The following INPP4A variants were observed in gnomAD, a reference collection of about 807,000 sequenced individuals.
INPP4A encodes the protein inositol polyphosphate-4-phosphatase, type I, 107kD.
In INPP4A, 33 loss-of-function variants were observed where a neutral mutation model predicts 119.8. The ratio of observed to expected loss-of-function variants is 0.28; its 90% CI spans 0.21 to 0.37. INPP4A has a LOEUF of 0.37. Among genes scored for constraint, INPP4A ranks in the 10% least tolerant of loss-of-function variants. INPP4A has a pLI of 1.00. For synonymous variants in INPP4A, 496 were observed against 500.7 expected (o/e 0.99, Z 0.12); for missense variants, 956 against 1,289.9 (o/e 0.74, Z 3.97).
intron 24 of INPP4A, among the ~76,000 whole-genome samples, chr2:98,579,645 G>C (rs767032703): frequency 6.6e-6 from 1 of 152,198 alleles, no homozygotes; most frequent in Non-Finnish European, 1.5e-5. Context: ...AAGCTGTAAG[G>C]GCTGTTGTTT....
chr2:98,543,584 C>T (rs930456537), intron 10 of INPP4A, among the ~76,000 whole-genome samples: 1 of 152,188 alleles, frequency 6.6e-6, no homozygotes, highest in African/African-American at 2.4e-5. Flanking sequence ...TCCCTAGCAG[C>T]CTGTCTTCTT....
chr2:98,485,302 C>T (rs1679312077), intron 1 of INPP4A, among the ~76,000 whole-genome samples: 1 of 152,196 alleles, frequency 6.6e-6, no homozygotes, highest in African/African-American at 2.4e-5. Flanking sequence ...AATATGTTCA[C>T]AGTCTAAGAT....
intron 1 of INPP4A, among the ~76,000 whole-genome samples, chr2:98,467,969 A>C (rs552789243): frequency 6.6e-6 from 1 of 152,322 alleles, no homozygotes; most frequent in African/African-American, 2.4e-5. Flanking sequence ...ATAACTTATA[A>C]ATGGGCTTTT....
intron 1 of INPP4A, among the ~76,000 whole-genome samples, chr2:98,477,063 A>T (rs981032176): frequency 5.3e-5 from 8 of 152,214 alleles, no homozygotes; most frequent in African/African-American, 1.9e-4. Flanking sequence ...ATTTTTGTGC[A>T]CTGGGCACAT....
At chr2:98,555,152 C>T (rs545133085) in intron 15 of INPP4A, among the ~76,000 whole-genome samples, 58 of 152,318 alleles carry the variant, frequency 3.8e-4, no homozygotes, top group African/African-American at 1.3e-3. Flanking sequence ...TCCTCCTCCC[C>T]ACCTCCCCTA....
chr2:98,513,151 A>C lies in INPP4A; in HGVS notation c.-165-5813A>C, dbSNP rs1038217331. Among the ~76,000 whole-genome samples the C allele has an allele frequency of 1.2e-4, 18 of 152,258 alleles. No individual in the cohort carries two copies. The East Asian group carries it at 1.9e-3, about 16-fold the overall frequency. On this transcript the variant is annotated intron_variant, in intron 1 of 24. Transcript: ENST00000409851. ...GGGCAAATTAGAATCAAGGACCCCA[A>C]CTGCTGTATCGTAGGCCCAACTCCT...
chr2:98,536,031 T>C (rs1690203651), intron 6 of INPP4A, 98 bp from the exon 7 acceptor site: 1 of 786,728 alleles, frequency 1.3e-6, no homozygotes, highest in African/African-American at 1.7e-5. Context: ...GTAAGAGGTG[T>C]TGTGGGAAGC....
chr2:98,498,745 G>A (rs1682543357), intron 1 of INPP4A, among the ~76,000 whole-genome samples: 1 of 152,158 alleles, frequency 6.6e-6, no homozygotes, highest in Non-Finnish European at 1.5e-5. Context: ...GGTTAAATTA[G>A]GACATAAAAG....
Position 98,534,410 on chromosome 2 carries a change from C to T in INPP4A, c.270+915C>T, listed in dbSNP as rs79024224. Among the ~76,000 whole-genome samples, 498 of 152,294 alleles carry T rather than the reference C, an allele frequency of 3.3e-3. 4 individuals carry two copies. Among genetic ancestry groups the T allele is most frequent in the African/African-American group, 0.012 (478 of 41,558 alleles). On this transcript the variant is annotated intron_variant, in intron 5 of 24. Coordinates refer to ENST00000409851, the MANE Select transcript of INPP4A (RefSeq NM_001134225.2). ...GAGCACCAGGAGGCTGGGATCCTATCTGGCTGTGAGAGTCAGAGCAGGCTT... is the reference window on the plus strand; with the variant it reads ...GAGCACCAGGAGGCTGGGATCCTATTTGGCTGTGAGAGTCAGAGCAGGCTT...
chr2:98,501,210 G>A (rs561022487), intron 1 of INPP4A, among the ~76,000 whole-genome samples: 4 of 152,250 alleles, frequency 2.6e-5, no homozygotes, highest in South Asian at 2.1e-4. Flanking sequence ...CCAGCTGCTC[G>A]GGAGGCTGAG....
chr2:98,582,352 C>T (rs1699433705), intron 24 of INPP4A, among the ~76,000 whole-genome samples: 1 of 152,152 alleles, frequency 6.6e-6, no homozygotes, highest in African/African-American at 2.4e-5. Context: ...TTATTATTTC[C>T]AATTAAGGAT....
intron 1 of INPP4A, among the ~76,000 whole-genome samples, chr2:98,515,499 T>G (rs1461867969): frequency 6.6e-6 from 1 of 152,150 alleles, no homozygotes; most frequent in African/African-American, 2.4e-5. Flanking sequence ...CCCATTGCAC[T>G]TGGGCTTTTT....
intron 1 of INPP4A, among the ~76,000 whole-genome samples, chr2:98,517,423 A>G (rs1017442481): frequency 6.6e-6 from 1 of 152,194 alleles, no homozygotes; most frequent in Admixed American, 6.5e-5. Flanking sequence ...CAACTTAAGT[A>G]GAGACGGCCA....
intron 4 of INPP4A, among the ~76,000 whole-genome samples, chr2:98,529,191 A>G (rs1397504673): frequency 1.3e-5 from 2 of 152,238 alleles, no homozygotes; most frequent in African/African-American, 4.8e-5. Flanking sequence ...CGAAGTACAG[A>G]TATTTGCTAG....
chr2:98,474,482 G>T (rs976810721), intron 1 of INPP4A, among the ~76,000 whole-genome samples: 1 of 152,212 alleles, frequency 6.6e-6, no homozygotes, highest in African/African-American at 2.4e-5. Context: ...ATGAGCCCAC[G>T]CTGGCACCAC....
chr2:98,497,302 C>A (rs1468410880), intron 1 of INPP4A, among the ~76,000 whole-genome samples: 1 of 152,182 alleles, frequency 6.6e-6, no homozygotes, highest in Admixed American at 6.5e-5. Flanking sequence ...CAGGTGGGGC[C>A]CTCATGAAGA....
At chr2:98,478,792 C>T (rs1355753499) in intron 1 of INPP4A, among the ~76,000 whole-genome samples, 1 of 152,176 alleles carries the variant, frequency 6.6e-6, no homozygotes, top group African/African-American at 2.4e-5. Flanking sequence ...GCATTCAGTT[C>T]TAGCTGAGCA....
chr2:98,557,659 G>T (rs1221247322), intron 16 of INPP4A, among the ~76,000 whole-genome samples: 1 of 152,236 alleles, frequency 6.6e-6, no homozygotes, highest in Non-Finnish European at 1.5e-5. Context: ...CTAGGTCCTT[G>T]GTTTTTATTT....
At position 98,513,359 on chromosome 2, in the gene INPP4A, G is replaced by GTCACACGCTCTTCT. The variant is rs144172276; in HGVS notation, c.-165-5602_-165-5589dup. Reference sequence around the variant, plus strand: ...AGTTTTGGTGTGTTCTCATCTCATGGTCACACGCTCTTCTTCTCATACCTG... The same window carrying GTCACACGCTCTTCT: ...AGTTTTGGTGTGTTCTCATCTCATGGTCACACGCTCTTCTTCACACGCTCTTCTTCTCATACCTG... On this transcript the variant is annotated intron_variant, in intron 1 of 24. Coordinates refer to ENST00000409851, the MANE Select transcript of INPP4A (RefSeq NM_001134225.2). Among the ~76,000 whole-genome samples the GTCACACGCTCTTCT allele has an allele frequency of 5.4e-3, 825 of 152,256 alleles. 2 individuals carry two copies. Among genetic ancestry groups the GTCACACGCTCTTCT allele is most frequent in the South Asian group, 0.015 (70 of 4,820 alleles).
Sources: allele counts gnomAD v4.1 joint callset (sites outside exome capture counted in the v4.1 genomes callset), GRCh38; gene constraint gnomAD v4.1.1; transcripts MANE v1.5; gene names NCBI Gene and HGNC (gene_info 2026-07-23, HGNC 2026-07-21).